The following MECOM variants were observed in gnomAD, a reference collection of about 807,000 sequenced individuals.
MECOM encodes histone-lysine N-methyltransferase MECOM.
Under a neutral mutation model 116.3 loss-of-function variants are expected in MECOM, and 13 were observed. That is an observed-to-expected ratio of 0.11 (90% CI 0.07 to 0.18). The LOEUF (loss-of-function observed/expected upper bound fraction) is 0.18, where lower values mean the gene tolerates loss of function less well. MECOM is among the 10% of genes least tolerant of loss of function. The probability of loss-of-function intolerance (pLI) is 1.00; values close to 1 mark genes in which losing one functional copy is unlikely to be tolerated. For missense variants in MECOM, 1,299 were observed against 1,509.0 expected, an observed-to-expected ratio of 0.86 and a Z score of 2.31; for synonymous variants, 528 against 535.2, an observed-to-expected ratio of 0.99 and a Z score of 0.19.
intron 2 of MECOM, among the ~76,000 whole-genome samples, chr3:169,266,630 C>A (rs1327693844): frequency 6.6e-6 from 1 of 152,170 alleles, no homozygotes; most frequent in Non-Finnish European, 1.5e-5. Flanking sequence ...TTGTTTCACT[C>A]ACATAAAGCA....
At chr3:169,415,877 A>G (rs1738502379) in intron 1 of MECOM, among the ~76,000 whole-genome samples, 1 of 152,216 alleles carries the variant, frequency 6.6e-6, no homozygotes, top group African/African-American at 2.4e-5. Context: ...TCATAAAGCA[A>G]GTTCTTAGGG....
intron 2 of MECOM, among the ~76,000 whole-genome samples, chr3:169,281,286 G>A (rs566940073): frequency 6.6e-6 from 1 of 152,142 alleles, no homozygotes; most frequent in South Asian, 2.1e-4. Context: ...AGTATCTCTG[G>A]GTGTAGAAAT....
At chr3:169,186,459 T>A (rs1291816596) in intron 2 of MECOM, among the ~76,000 whole-genome samples, 1 of 151,390 alleles carries the variant, frequency 6.6e-6, no homozygotes, top group East Asian at 2.0e-4. Context: ...TGCCATTAAC[T>A]ATTGGGTGAC....
intron 1 of MECOM, among the ~76,000 whole-genome samples, chr3:169,440,688 A>C (rs1743492214): frequency 6.6e-6 from 1 of 152,168 alleles, no homozygotes. Context: ...ATCATTGCTT[A>C]TCTTTTTAGG....
At chr3:169,149,205 T>TG (rs1336542823) in intron 2 of MECOM, among the ~76,000 whole-genome samples, 1 of 152,026 alleles carries the variant, frequency 6.6e-6, no homozygotes, top group Non-Finnish European at 1.5e-5. Flanking sequence ...ACAAGTAATC[T>TG]GGGGAACCGA....
At chr3:169,607,176 C>A (rs1240778015) in intron 1 of MECOM, among the ~76,000 whole-genome samples, 2 of 152,272 alleles carry the variant, frequency 1.3e-5, no homozygotes, top group Non-Finnish European at 1.5e-5. Context: ...AATAATTCTC[C>A]CAAGCGCCAC....
chr3:169,504,653 G>A (rs1200286815), intron 1 of MECOM, among the ~76,000 whole-genome samples: 2 of 152,110 alleles, frequency 1.3e-5, no homozygotes. Flanking sequence ...CAACCAGCCT[G>A]GCTGCCTAAA....
intron 2 of MECOM, among the ~76,000 whole-genome samples, chr3:169,155,093 A>G (rs1470396825): frequency 6.6e-6 from 1 of 152,216 alleles, no homozygotes; most frequent in African/African-American, 2.4e-5. Context: ...ATCATAAACT[A>G]AACTGTCTTT....
intron 2 of MECOM, among the ~76,000 whole-genome samples, chr3:169,168,323 C>T (rs545715591): frequency 6.8e-6 from 1 of 146,674 alleles, no homozygotes; most frequent in African/African-American, 2.5e-5. Flanking sequence ...GCATGAGTCA[C>T]CACACTTGGC....
chr3:169,127,853 T>A lies in MECOM; in HGVS notation c.821A>T (p.Asp274Val). 1 of 1,613,644 alleles carries A rather than the reference T, an allele frequency of 6.2e-7. No homozygotes were observed. The highest frequency in any genetic ancestry group is 8.5e-7 in the Non-Finnish European group (1 of 1,179,620). ...ECKECDQVFP[D>V]LQSLEKHMLS... ...ACATGCCATTTCTAACCTTTGCAAA[T>A]CAGGAAAAACTTGGTCACATTCCTT... is the stretch of plus-strand genomic sequence containing the variant. Residue 274 changes from aspartate to valine, a missense_variant, in exon 5 of 17, where the codon GAT (aspartate) becomes GTT (valine). Asp to Val is a radical substitution (Grantham distance 152). Coordinates refer to ENST00000651503, the MANE Select transcript of MECOM (RefSeq NM_004991.4).
intron 1 of MECOM, among the ~76,000 whole-genome samples, chr3:169,595,940 T>C (rs1460711313): frequency 6.6e-6 from 1 of 152,046 alleles, no homozygotes; most frequent in East Asian, 1.9e-4. Context: ...TTCATTCATA[T>C]AGTCAATTTC....
chr3:169,314,407 G>T (rs578209175), intron 2 of MECOM, among the ~76,000 whole-genome samples: 2 of 152,334 alleles, frequency 1.3e-5, no homozygotes, highest in East Asian at 3.9e-4. Flanking sequence ...TATAGCACGT[G>T]CATAGTTCAC....
chr3:169,446,374 T>C lies in MECOM; in HGVS notation c.38-64850A>G, dbSNP rs1371710011. ...ATGGGTTTATCAGGAGTTTCCGCTTTTGCTTCTTCCTCATTTTCTCTTGCC... is the reference window on the plus strand; with the variant it reads ...ATGGGTTTATCAGGAGTTTCCGCTTCTGCTTCTTCCTCATTTTCTCTTGCC... On this transcript the variant is annotated intron_variant, in intron 1 of 16. Coordinates refer to ENST00000651503, the MANE Select transcript of MECOM (RefSeq NM_004991.4). Among the ~76,000 whole-genome samples the C allele has an allele frequency of 3.3e-5, 5 of 152,200 alleles. No homozygotes were observed. The East Asian group carries it at 9.6e-4, about 29-fold the overall frequency.
intron 1 of MECOM, among the ~76,000 whole-genome samples, chr3:169,409,405 T>C (rs1357728685): frequency 2.6e-5 from 4 of 152,238 alleles, no homozygotes; most frequent in African/African-American, 4.8e-5. Flanking sequence ...TGTTCTCTGC[T>C]TAAAATCACT....
At chr3:169,361,894 G>A (rs929321932) in intron 2 of MECOM, among the ~76,000 whole-genome samples, 9 of 151,690 alleles carry the variant, frequency 5.9e-5, no homozygotes, top group Non-Finnish European at 1.2e-4. Flanking sequence ...CAAAGATGGC[G>A]AGGAATAGAA....
intron 2 of MECOM, among the ~76,000 whole-genome samples, chr3:169,224,477 C>T (rs761951568): frequency 2.0e-5 from 3 of 152,184 alleles, no homozygotes; most frequent in African/African-American, 7.2e-5. Context: ...GCAGCCCCAA[C>T]ACTTTCCCAG....
At chr3:169,557,605 A>T (rs1946164) in intron 1 of MECOM, among the ~76,000 whole-genome samples, 1 of 152,088 alleles carries the variant, frequency 6.6e-6, no homozygotes, top group South Asian at 2.1e-4. Context: ...ACCATCAGAG[A>T]TTCTCAAAGG....
At chr3:169,149,326 G>T (rs998150713) in intron 2 of MECOM, among the ~76,000 whole-genome samples, 1 of 152,084 alleles carries the variant, frequency 6.6e-6, no homozygotes, top group Non-Finnish European at 1.5e-5. Flanking sequence ...AGGAAACGTC[G>T]GTAGGAAAAC....
intron 1 of MECOM, among the ~76,000 whole-genome samples, chr3:169,653,592 T>C (rs1775181852): frequency 6.6e-6 from 1 of 151,496 alleles, no homozygotes; most frequent in Admixed American, 6.6e-5. Context: ...AAAATTTGGA[T>C]GGTAGAAACA....
Sources: allele counts gnomAD v4.1 joint callset (sites outside exome capture counted in the v4.1 genomes callset), GRCh38; gene constraint gnomAD v4.1.1; transcripts MANE v1.5; gene names NCBI Gene and HGNC (gene_info 2026-07-23, HGNC 2026-07-21).